Variants in TMTC2 observed in about 807,000 individuals in gnomAD.
The protein encoded by TMTC2 is protein O-mannosyl-transferase TMTC2.
Under a neutral mutation model 82.4 loss-of-function variants are expected in TMTC2, and 43 were observed. The ratio of observed to expected loss-of-function variants is 0.52; its 90% CI spans 0.41 to 0.67. The LOEUF is 0.67. Among genes scored for constraint, TMTC2 ranks in the 30% least tolerant of loss-of-function variants. The probability of loss-of-function intolerance (pLI) is 0.00; values close to 1 mark genes in which losing one functional copy is unlikely to be tolerated. For synonymous variants in TMTC2, 408 were observed against 381.9 expected, an observed-to-expected ratio of 1.07 and a Z score of -0.80; for missense variants, 919 against 1,012.4, an observed-to-expected ratio of 0.91 and a Z score of 1.25.
intron 1 of TMTC2, among the ~76,000 whole-genome samples, chr12:82,830,128 T>G (rs1869668213): frequency 6.6e-6 from 1 of 152,178 alleles, no homozygotes; most frequent in African/African-American, 2.4e-5. Context: ...GAAAGCAAGC[T>G]TACGTTTTTT....
intron 3 of TMTC2, among the ~76,000 whole-genome samples, chr12:82,911,587 C>A (rs994351896): frequency 1.3e-5 from 2 of 151,776 alleles, no homozygotes; most frequent in African/African-American, 2.4e-5. Flanking sequence ...AAGTATAAGC[C>A]GTATTCTTAT....
intron 1 of TMTC2, among the ~76,000 whole-genome samples, chr12:82,719,661 G>A (rs1488048553): frequency 8.5e-6 from 1 of 118,008 alleles, no homozygotes; most frequent in East Asian, 2.6e-4. Flanking sequence ...ATGATTCTAT[G>A]TCTCTCTGTC....
intron 8 of TMTC2, among the ~76,000 whole-genome samples, chr12:83,010,219 C>T (rs1420004128): frequency 6.6e-6 from 1 of 152,136 alleles, no homozygotes. Context: ...GTTCAATTGT[C>T]CCATATATCT....
Position 82,845,444 on chromosome 12 carries a change from A to G in TMTC2, c.84-11566A>G, listed in dbSNP as rs143123058. On this transcript the variant is annotated intron_variant, in intron 1 of 11. Transcript: ENST00000321196. ...ATTCATAAATTATGTAAACAAATGG[A>G]CTAAAGTGGTTCATGTATAGTACCT... Among the ~76,000 whole-genome samples, 161 of 151,834 alleles carry G rather than the reference A, an allele frequency of 1.1e-3. No individual in the cohort carries two copies. In the East Asian group the frequency reaches 0.021, roughly 20 times the overall value.
chr12:82,887,631 C>T (rs921270962), intron 2 of TMTC2, among the ~76,000 whole-genome samples: 4 of 152,092 alleles, frequency 2.6e-5, no homozygotes, highest in African/African-American at 9.7e-5. Flanking sequence ...GACTTTAATT[C>T]TATGATTTTC....
chr12:82,729,422 C>A (rs1024383066), intron 1 of TMTC2, among the ~76,000 whole-genome samples: 3 of 152,064 alleles, frequency 2.0e-5, no homozygotes, highest in Non-Finnish European at 4.4e-5. Context: ...GTATCTAGTT[C>A]AAGGTTTGTA....
intron 4 of TMTC2, among the ~76,000 whole-genome samples, chr12:82,938,338 C>T (rs564665906): frequency 5.3e-5 from 8 of 152,126 alleles, no homozygotes; most frequent in African/African-American, 1.7e-4. Flanking sequence ...GACTACTTGA[C>T]GTAGAGTTTA....
Position 82,910,062 on chromosome 12 carries a change from G to T in TMTC2, c.1483+13416G>T, listed in dbSNP as rs151082862. Among the ~76,000 whole-genome samples, 1,069 of 152,216 alleles carry T rather than the reference G, an allele frequency of 7.0e-3. 11 individuals are homozygous for T. The highest frequency in any genetic ancestry group is 0.024 in the African/African-American group (996 of 41,526). ...TGATATTGTTAAAGAGCAGATTTTC[G>T]AGAGGACAAACACCTGTCTTAGTTT... On this transcript the variant is annotated intron_variant, in intron 3 of 11. Coordinates refer to ENST00000321196, the MANE Select transcript of TMTC2 (RefSeq NM_152588.3).
intron 1 of TMTC2, among the ~76,000 whole-genome samples, chr12:82,696,932 C>T (rs569460630): frequency 6.9e-5 from 10 of 145,072 alleles, no homozygotes; most frequent in African/African-American, 2.5e-4. Flanking sequence ...GAGATGGCTT[C>T]TTGCCAGCTC....
chr12:82,898,836 T>C (rs1411522388), intron 3 of TMTC2, among the ~76,000 whole-genome samples: 1 of 152,210 alleles, frequency 6.6e-6, no homozygotes, highest in Non-Finnish European at 1.5e-5. Flanking sequence ...GGAAGCCAAG[T>C]ACCCAGCCAA....
chr12:82,904,793 T>C (rs995232489), intron 3 of TMTC2, among the ~76,000 whole-genome samples: 5 of 152,176 alleles, frequency 3.3e-5, no homozygotes, highest in South Asian at 2.1e-4. Flanking sequence ...ATCACCCTTT[T>C]TGCTGTGGCC....
chr12:83,046,333 T>C lies in TMTC2; in HGVS notation c.2153-4571T>C, dbSNP rs933970795. 2.0e-5 allele frequency among the ~76,000 whole-genome samples: 3 copies of C among 152,196 alleles called. No homozygotes were observed. The South Asian group carries it at 6.2e-4, about 31-fold the overall frequency. ...GATTCTCAAAGTATGGACACTGAACTGGCAGCATCAGCATCACCAGGGAAC... is the reference window on the plus strand; with the variant it reads ...GATTCTCAAAGTATGGACACTGAACCGGCAGCATCAGCATCACCAGGGAAC... On this transcript the variant is annotated intron_variant, in intron 9 of 11. Coordinates refer to ENST00000321196, the MANE Select transcript of TMTC2 (RefSeq NM_152588.3).
chr12:83,126,960 C>T (rs1414146183), intron 11 of TMTC2, among the ~76,000 whole-genome samples: 2 of 152,070 alleles, frequency 1.3e-5, no homozygotes, highest in Non-Finnish European at 2.9e-5. Context: ...TTATACTATT[C>T]ATTTTTAAGC....
chr12:82,994,317 A>T (rs1949902964), intron 8 of TMTC2, among the ~76,000 whole-genome samples: 1 of 152,004 alleles, frequency 6.6e-6, no homozygotes, highest in Non-Finnish European at 1.5e-5. Flanking sequence ...CCGGGCCCGG[A>T]TAATTTTAGT....
chr12:83,026,992 C>T (rs1040281907), intron 8 of TMTC2, among the ~76,000 whole-genome samples: 1 of 151,896 alleles, frequency 6.6e-6, no homozygotes, highest in African/African-American at 2.4e-5. Flanking sequence ...GCTGCCAATC[C>T]GAGTGGACCT....
intron 1 of TMTC2, among the ~76,000 whole-genome samples, chr12:82,822,028 A>C (rs1329244617): frequency 1.3e-5 from 2 of 152,212 alleles, no homozygotes; most frequent in Non-Finnish European, 2.9e-5. Flanking sequence ...GACATGGAGG[A>C]ACCTTAAATG....
At position 83,026,283 on chromosome 12, in the gene TMTC2, C is replaced by A. The variant is rs1185145059; in HGVS notation, c.2071-4515C>A. Among the ~76,000 whole-genome samples, 6 of 152,156 alleles carry A rather than the reference C, an allele frequency of 3.9e-5. No homozygotes were observed. The South Asian group carries it at 6.2e-4, about 16-fold the overall frequency. On this transcript the variant is annotated intron_variant, in intron 8 of 11. Transcript: ENST00000321196. ...TTAGAGCAGAAGATTCTCCTAGTAC[C>A]CCTATGGCTCAAGAAATTACAAGGA...
intron 3 of TMTC2, among the ~76,000 whole-genome samples, chr12:82,927,959 C>T (rs1198196460): frequency 1.3e-5 from 2 of 152,300 alleles, no homozygotes; most frequent in African/African-American, 4.8e-5. Flanking sequence ...TGACTGACTT[C>T]ATTGTGATAT....
intron 11 of TMTC2, among the ~76,000 whole-genome samples, chr12:83,114,823 A>G (rs1884702360): frequency 6.6e-6 from 1 of 151,796 alleles, no homozygotes; most frequent in South Asian, 2.1e-4. Context: ...ACTTCTTGCC[A>G]TCTTCATTCA....
Sources: gnomAD v4.1 joint callset for allele counts (sites outside exome capture counted in the v4.1 genomes callset) on GRCh38, gnomAD v4.1.1 for gene constraint, MANE v1.5 for transcripts, NCBI Gene and HGNC (gene_info 2026-07-23, HGNC 2026-07-21) for gene names.